VEPH1: variants seen among roughly 807,000 people sequenced by gnomAD.
VEPH1 encodes the protein ventricular zone expressed PH domain containing 1.
A neutral mutation model predicts 85.2 loss-of-function variants in VEPH1; 80 were observed. The observed-to-expected ratio is 0.94, with a 90% CI of 0.78 to 1.13. The LOEUF is 1.13. VEPH1 is among the 50% of genes most tolerant of loss of function. The pLI, the probability that VEPH1 is intolerant of heterozygous loss-of-function variation, is 0.00. For missense variants in VEPH1, 955 were observed against 980.5 expected (o/e 0.97, Z 0.35); for synonymous variants, 297 against 348.0 (o/e 0.85, Z 1.63).
At chr3:157,415,107 T>C (rs1397596494) in intron 5 of VEPH1, 1 of 152,198 alleles carries the variant, frequency 6.6e-6, no homozygotes, top group Non-Finnish European at 1.5e-5. Context: ...CTACTCAAAC[T>C]AGAAACTGTT....
chr3:157,470,126 C>T (rs1419300129), intron 3 of VEPH1, among the ~76,000 whole-genome samples, 188 bp downstream of exon 3: 2 of 152,180 alleles, frequency 1.3e-5, no homozygotes, highest in East Asian at 3.9e-4. Flanking sequence ...GTGTCTTGCA[C>T]GTAGCAGGAG....
At chr3:157,346,107 A>G (rs986919099) in intron 9 of VEPH1, among the ~76,000 whole-genome samples, 3 of 152,182 alleles carry the variant, frequency 2.0e-5, no homozygotes, top group African/African-American at 7.2e-5. Flanking sequence ...CAGCACACCA[A>G]CATGGCACAT....
At chr3:157,310,209 G>C (rs904832221) in intron 11 of VEPH1, among the ~76,000 whole-genome samples, 1 of 152,220 alleles carries the variant, frequency 6.6e-6, no homozygotes, top group African/African-American at 2.4e-5. Flanking sequence ...TATCAATCAG[G>C]TTCATCTTCC....
At chr3:157,329,095 C>T (rs1180757336) in intron 9 of VEPH1, among the ~76,000 whole-genome samples, 1 of 152,092 alleles carries the variant, frequency 6.6e-6, no homozygotes, top group East Asian at 1.9e-4. Context: ...TAATTTATAC[C>T]CATTTATTTT....
At chr3:157,496,919 A>C (rs1283399853) in intron 1 of VEPH1, among the ~76,000 whole-genome samples, 1 of 152,264 alleles carries the variant, frequency 6.6e-6, no homozygotes, top group Non-Finnish European at 1.5e-5. Context: ...CCTAACACTT[A>C]CATGCCTTTA....
At chr3:157,365,143 T>G (rs1424868227) in intron 7 of VEPH1, among the ~76,000 whole-genome samples, 1 of 152,216 alleles carries the variant, frequency 6.6e-6, no homozygotes, top group Admixed American at 6.5e-5. Flanking sequence ...GGTATAATTT[T>G]GGATTTCCTC....
chr3:157,419,402 A>G (rs928651183), intron 5 of VEPH1, among the ~76,000 whole-genome samples: 3 of 152,222 alleles, frequency 2.0e-5, no homozygotes, highest in African/African-American at 7.2e-5. Flanking sequence ...AGAATGGGAG[A>G]AGATTTTTGC....
rs147321272 is a variant in VEPH1, at chr3:157,484,802, C to T, written c.138+10410G>A. 3.3e-3 allele frequency among the ~76,000 whole-genome samples: 506 copies of T among 152,180 alleles called. 1 individual carries two copies. The highest frequency in any genetic ancestry group is 9.6e-3 in the African/African-American group (398 of 41,514). On this transcript the variant is annotated intron_variant, in intron 2 of 13. Transcript: ENST00000362010. ...GCAATGAGAAGATCTATGATTATTT[C>T]GTGTGTCATGAAGAAAGAGAAGAGA... is the stretch of plus-strand genomic sequence containing the variant.
intron 11 of VEPH1, 53 bp downstream of exon 11, chr3:157,313,568 C>T: frequency 6.3e-7 from 1 of 1,575,100 alleles, no homozygotes; most frequent in Non-Finnish European, 8.6e-7. Context: ...GAAACTGTTT[C>T]AAGACAATCT....
chr3:157,437,949 C>T, intron 4 of VEPH1: 1 of 1,519,166 alleles, frequency 6.6e-7, no homozygotes, highest in Admixed American at 2.1e-5. Flanking sequence ...CCTCCCACTG[C>T]GGCTTTGTTC....
intron 2 of VEPH1, among the ~76,000 whole-genome samples, chr3:157,475,817 C>T (rs547512185): frequency 3.3e-5 from 5 of 152,302 alleles, no homozygotes; most frequent in Admixed American, 6.5e-5. Context: ...ATTCTCCCAA[C>T]GGTCAGAGCT....
At chr3:157,326,288 G>A (rs1454982619) in intron 9 of VEPH1, among the ~76,000 whole-genome samples, 2 of 152,178 alleles carry the variant, frequency 1.3e-5, no homozygotes, top group Admixed American at 6.5e-5. Flanking sequence ...TGCCTTCTGA[G>A]TACATAGCCT....
At chr3:157,267,093 CTTTTTTTTCT>C (rs1559909100) in intron 12 of VEPH1, among the ~76,000 whole-genome samples, 1 of 108,226 alleles carries the variant, frequency 9.2e-6, no homozygotes, top group Admixed American at 1.2e-4. Flanking sequence ...TTTTCTTTTT[CTTTTTTTTCT>C]TTTTTTTTTT....
chr3:157,340,653 G>C (rs1323408257), intron 9 of VEPH1, among the ~76,000 whole-genome samples: 1 of 152,196 alleles, frequency 6.6e-6, no homozygotes, highest in Non-Finnish European at 1.5e-5. Flanking sequence ...AAATGTCCCT[G>C]TCTGACAGCT....
intron 2 of VEPH1, among the ~76,000 whole-genome samples, chr3:157,475,180 T>A (rs369537065): frequency 6.8e-6 from 1 of 146,106 alleles, no homozygotes; most frequent in East Asian, 2.0e-4. Context: ...TTTGTAGAGA[T>A]GGAGTCTCGT....
chr3:157,357,121 C>G (rs1725531045), intron 9 of VEPH1, among the ~76,000 whole-genome samples: 1 of 152,152 alleles, frequency 6.6e-6, no homozygotes, highest in Non-Finnish European at 1.5e-5. Flanking sequence ...CCTCATTTTT[C>G]TTTTAATGTG....
intron 2 of VEPH1, among the ~76,000 whole-genome samples, chr3:157,487,342 A>G (rs1258085577): frequency 2.0e-5 from 3 of 152,134 alleles, no homozygotes; most frequent in Non-Finnish European, 2.9e-5. Flanking sequence ...AAACTCAGAT[A>G]AAATATAAAA....
At chr3:157,323,413 C>A (rs889888621) in intron 9 of VEPH1, among the ~76,000 whole-genome samples, 3 of 152,146 alleles carry the variant, frequency 2.0e-5, no homozygotes, top group African/African-American at 7.2e-5. Flanking sequence ...GGAAAAACTG[C>A]CAAATCTCTC....
chr3:157,390,961 C>T (rs56851214), intron 6 of VEPH1, among the ~76,000 whole-genome samples: 3,953 of 152,336 alleles, frequency 0.026, 190 homozygotes, highest in African/African-American at 0.091. Flanking sequence ...GCGCCCAAAG[C>T]GGAAGCTGCT....
Sources: gnomAD v4.1 joint callset for allele counts (sites outside exome capture counted in the v4.1 genomes callset) on GRCh38, gnomAD v4.1.1 for gene constraint, MANE v1.5 for transcripts, NCBI Gene and HGNC (gene_info 2026-07-23, HGNC 2026-07-21) for gene names.